The following CTIF variants were observed in gnomAD, a reference collection of about 807,000 sequenced individuals.
CTIF encodes the protein CBP80/20-dependent translation initiation factor.
CTIF carries 21 observed loss-of-function variants against 66.0 expected under a neutral mutation model. The observed-to-expected ratio is 0.32, with a 90% CI of 0.23 to 0.46. CTIF has a LOEUF of 0.46. Ranked by LOEUF, CTIF falls within the 20% of genes least tolerant of loss-of-function variation. CTIF has a pLI of 1.00. For synonymous variants in CTIF, 345 were observed against 326.4 expected (o/e 1.06, Z -0.62); for missense variants, 739 against 812.7 (o/e 0.91, Z 1.10).
intron 9 of CTIF, among the ~76,000 whole-genome samples, chr18:48,810,847 T>A (rs2068244828): frequency 6.6e-6 from 1 of 151,872 alleles, no homozygotes; most frequent in African/African-American, 2.4e-5. Context: ...TTTTATTTAA[T>A]AATTGTTATC....
chr18:48,572,506 T>A (rs1236695719), intron 1 of CTIF, among the ~76,000 whole-genome samples: 1 of 152,140 alleles, frequency 6.6e-6, no homozygotes, highest in Non-Finnish European at 1.5e-5. Flanking sequence ...GAGAGGTAAA[T>A]TAAATTGCCC....
At chr18:48,693,633 C>T (rs1208022877) in intron 6 of CTIF, among the ~76,000 whole-genome samples, 1 of 152,030 alleles carries the variant, frequency 6.6e-6, no homozygotes, top group African/African-American at 2.4e-5. Context: ...AGGCAGAAAA[C>T]CAGCACCCAG....
At chr18:48,703,058 A>T (rs2092104275) in intron 6 of CTIF, among the ~76,000 whole-genome samples, 1 of 152,052 alleles carries the variant, frequency 6.6e-6, no homozygotes, top group Admixed American at 6.6e-5. Context: ...ACCCCTTGGG[A>T]TGTCTACCCA....
At chr18:48,813,083 T>C (rs1036762352) in intron 9 of CTIF, among the ~76,000 whole-genome samples, 2 of 152,184 alleles carry the variant, frequency 1.3e-5, no homozygotes, top group Admixed American at 1.3e-4. Flanking sequence ...GGTTTCCAAG[T>C]TTATCTTCTG....
chr18:48,672,162 A>G (rs1438236935), intron 6 of CTIF, among the ~76,000 whole-genome samples: 1 of 150,666 alleles, frequency 6.6e-6, no homozygotes, highest in African/African-American at 2.4e-5. Context: ...TTGATCCCCA[A>G]ACACAGACTT....
intron 7 of CTIF, among the ~76,000 whole-genome samples, chr18:48,757,497 C>T (rs1908502430): frequency 6.6e-6 from 1 of 152,146 alleles, no homozygotes. Context: ...GCGTATGCAT[C>T]TTTGCTGGTA....
intron 7 of CTIF, among the ~76,000 whole-genome samples, chr18:48,749,817 G>C (rs1907628039): frequency 6.6e-6 from 1 of 152,178 alleles, no homozygotes; most frequent in Non-Finnish European, 1.5e-5. Flanking sequence ...AAACTACCAC[G>C]AACTACTGTG....
At chr18:48,632,993 G>T (rs1478923231) in intron 2 of CTIF, among the ~76,000 whole-genome samples, 9 of 32,684 alleles carry the variant, frequency 2.8e-4, no homozygotes, top group African/African-American at 4.3e-4. Context: ...GGTTGCATAC[G>T]GATGTGCACG....
chr18:48,592,497 CAAAA>C (rs34825594), intron 1 of CTIF, among the ~76,000 whole-genome samples: 4 of 117,634 alleles, frequency 3.4e-5, no homozygotes, highest in Admixed American at 9.0e-5. Context: ...AACCCTGTCT[CAAAA>C]AAAAAAAAAA....
chr18:48,664,674 C>A (rs1380596286), intron 5 of CTIF, 123 bp downstream of exon 5: 7 of 755,638 alleles, frequency 9.3e-6, no homozygotes, highest in Non-Finnish European at 1.5e-5. Flanking sequence ...CCGGGATGCT[C>A]TTCTTATGCG....
chr18:48,542,333 C>A (rs996798968), intron 1 of CTIF, among the ~76,000 whole-genome samples: 1 of 152,174 alleles, frequency 6.6e-6, no homozygotes, highest in Non-Finnish European at 1.5e-5. Context: ...TTCATTGAGT[C>A]TTTATTGAAT....
rs117003212 is a variant in CTIF at position 48,615,368 on chromosome 18, C to T, written c.-28-4170C>T. On this transcript the variant is annotated intron_variant, in intron 1 of 11. Transcript: ENST00000256413. ...GACTGAGATGAAGCTTGGGGCTTTT[C>T]TGCTTTGCATGTTCCCCGCTTTTCT... is the stretch of plus-strand genomic sequence containing the variant. Among the ~76,000 whole-genome samples the T allele has an allele frequency of 4.2e-3, 646 of 152,354 alleles. 3 individuals carry two copies. The highest frequency in any genetic ancestry group is 6.8e-3 in the Non-Finnish European group (463 of 68,044).
intron 1 of CTIF, among the ~76,000 whole-genome samples, chr18:48,585,759 G>T (rs2089753568): frequency 6.6e-6 from 1 of 152,136 alleles, no homozygotes; most frequent in Non-Finnish European, 1.5e-5. Context: ...CTTTGTTAAG[G>T]GGCATTGACC....
intron 10 of CTIF, among the ~76,000 whole-genome samples, chr18:48,838,909 C>G (rs1465825873): frequency 6.6e-6 from 1 of 152,144 alleles, no homozygotes; most frequent in Non-Finnish European, 1.5e-5. Context: ...CTCCCCGGGC[C>G]TGCCCACCAG....
intron 7 of CTIF, among the ~76,000 whole-genome samples, chr18:48,720,137 A>G (rs1467433592): frequency 6.6e-6 from 1 of 152,218 alleles, no homozygotes; most frequent in Non-Finnish European, 1.5e-5. Flanking sequence ...AATAATGAGA[A>G]GTGACCGTAC....
At chr18:48,768,348 A>G (rs1420066500) in intron 9 of CTIF, among the ~76,000 whole-genome samples, 2 of 152,238 alleles carry the variant, frequency 1.3e-5, no homozygotes, top group African/African-American at 4.8e-5. Flanking sequence ...TGCTCAGGAA[A>G]TGGCTGTGGA....
At position 48,611,968 on chromosome 18, in the gene CTIF, C is replaced by T. The variant is rs556141811; in HGVS notation, c.-28-7570C>T. ...TTTGGTGGGGTGACAGGGGATCAGA[C>T]GTTTAGAGGACGTCAGATGTCCTTG... On this transcript the variant is annotated intron_variant, in intron 1 of 11. Coordinates refer to ENST00000256413, the MANE Select transcript of CTIF (RefSeq NM_014772.3). Among the ~76,000 whole-genome samples the T allele has an allele frequency of 1.5e-3, 232 of 152,238 alleles. 1 individual carries two copies. Among genetic ancestry groups the T allele is most frequent in the African/African-American group, 4.8e-3 (201 of 41,546 alleles).
intron 1 of CTIF, among the ~76,000 whole-genome samples, chr18:48,581,230 T>G (rs866795858): frequency 2.7e-4 from 41 of 149,882 alleles, no homozygotes; most frequent in Middle Eastern, 6.9e-3. Context: ...TTTTTTTGGG[T>G]TTTTTTTGTT....
intron 9 of CTIF, among the ~76,000 whole-genome samples, chr18:48,769,585 A>G (rs995726971): frequency 7.9e-5 from 12 of 152,252 alleles, no homozygotes; most frequent in Non-Finnish European, 1.8e-4. Context: ...ACAGGAGGCC[A>G]GCAGTCACAG....
Sources: gnomAD v4.1 joint callset for allele counts (sites outside exome capture counted in the v4.1 genomes callset) on GRCh38, gnomAD v4.1.1 for gene constraint, MANE v1.5 for transcripts, NCBI Gene and HGNC (gene_info 2026-07-23, HGNC 2026-07-21) for gene names.